RND3: variants seen among roughly 807,000 people sequenced by gnomAD.
RND3 encodes Rho family GTPase 3.
RND3 carries 8 observed loss-of-function variants against 26.5 expected under a neutral mutation model. The observed-to-expected ratio is 0.30, with a 90% confidence interval of 0.18 to 0.54. The LOEUF is 0.54. Ranked by LOEUF, RND3 falls within the 20% of genes least tolerant of loss-of-function variation. The pLI is 0.94. For missense variants in RND3, 207 were observed against 302.8 expected, an observed-to-expected ratio of 0.68 and a Z score of 2.35; for synonymous variants, 113 against 113.0, an observed-to-expected ratio of 1.00 and a Z score of 0.00.
At position 150,469,934 on chromosome 2, in the gene RND3, G is replaced by T; in HGVS notation, c.*53C>A. 3 of 1,592,454 alleles carry T rather than the reference G, an allele frequency of 1.9e-6. No individual in the cohort carries two copies. Among genetic ancestry groups the T allele is most frequent in the Admixed American group, 1.7e-5 (1 of 57,626 alleles). ...TCATTTAGACTTCACCTTTTTGTTT[G>T]CTGTTGTTTTTTACACTAGATTCCT... On this transcript the variant is annotated 3_prime_UTR_variant, in exon 6 of 6. Transcript: ENST00000263895.
At chr2:150,470,332 A>G (rs1169878208) in intron 5 of RND3, 94 bp from the exon 6 acceptor site, 17 of 1,352,160 alleles carry the variant, frequency 1.3e-5, no homozygotes, top group Non-Finnish European at 1.7e-5. Context: ...AACACATTGC[A>G]AAACGTTTGC....
chr2:150,484,928 G>A (rs1231410237), intron 3 of RND3, among the ~76,000 whole-genome samples: 4 of 152,138 alleles, frequency 2.6e-5, no homozygotes, highest in Non-Finnish European at 4.4e-5. Flanking sequence ...AGGGAGTACT[G>A]GTGCTTATTA....
At position 150,469,663 on chromosome 2, in the gene RND3, A is replaced by C. The variant is rs1255690080; in HGVS notation, c.*324T>G. 3.5e-5 allele frequency: 9 copies of C among 258,966 alleles called. No individual in the cohort carries two copies. Among genetic ancestry groups the C allele is most frequent in the Non-Finnish European group, 7.3e-6 (1 of 136,260 alleles). 16.0% of individuals were successfully genotyped at this position (258,966 alleles called of 1,614,324 possible). ...TATAACAAAAAAAAAAAACCCAAAA[A>C]TGCAAGCACCATTCAGAGTGTGATT... On this transcript the variant is annotated 3_prime_UTR_variant, in exon 6 of 6. Coordinates refer to ENST00000263895, the MANE Select transcript of RND3 (RefSeq NM_005168.5).
intron 3 of RND3, among the ~76,000 whole-genome samples, chr2:150,482,820 C>A (rs557798207): frequency 6.6e-6 from 1 of 152,196 alleles, no homozygotes; most frequent in Non-Finnish European, 1.5e-5. Flanking sequence ...AAAAACATTG[C>A]AACCAAGTGG....
At chr2:150,487,092 C>T (rs1326878648) in intron 2 of RND3, 176 bp downstream of exon 2, 1 of 621,302 alleles carries the variant, frequency 1.6e-6, no homozygotes, top group African/African-American at 1.8e-5. Context: ...AAGCTTCCAG[C>T]GCACTTTCCC....
intron 5 of RND3, 145 bp downstream of exon 5, chr2:150,471,482 T>C: frequency 3.2e-6 from 2 of 633,054 alleles, no homozygotes; most frequent in Non-Finnish European, 2.7e-6. Flanking sequence ...ATTACACTAA[T>C]AAATGACAGC....
intron 3 of RND3, among the ~76,000 whole-genome samples, chr2:150,482,158 T>G (rs1686284754): frequency 3.3e-5 from 5 of 152,194 alleles, no homozygotes; most frequent in Admixed American, 3.3e-4. Flanking sequence ...AGCAGCTGAA[T>G]TGAATATGTT....
chr2:150,469,655 A>AAC lies in RND3; in HGVS notation c.*331_*332insGT, dbSNP rs57553410. 5 of 244,484 alleles carry AAC rather than the reference A, an allele frequency of 2.0e-5. No homozygotes were observed. The highest frequency in any genetic ancestry group is 4.6e-5 in the African/African-American group (2 of 43,918). 15.1% of individuals were successfully genotyped at this position (244,484 alleles called of 1,614,324 possible). ...GAATAGATTATAACAAAAAAAAAAA[A>AAC]CCCAAAAATGCAAGCACCATTCAGA... On this transcript the variant is annotated 3_prime_UTR_variant, in exon 6 of 6. Transcript: ENST00000263895.
chr2:150,475,916 CA>C (rs1214707855), intron 3 of RND3, among the ~76,000 whole-genome samples: 1 of 152,164 alleles, frequency 6.6e-6, no homozygotes, highest in African/African-American at 2.4e-5. Context: ...TCTAGTCAAT[CA>C]AGGAAGTTTC....
At chr2:150,484,236 C>T (rs1051262797) in intron 3 of RND3, among the ~76,000 whole-genome samples, 5 of 152,164 alleles carry the variant, frequency 3.3e-5, no homozygotes, top group African/African-American at 7.2e-5. Flanking sequence ...GCAGAGTCTA[C>T]GAACTGCAGA....
intron 4 of RND3, among the ~76,000 whole-genome samples, chr2:150,473,150 A>T (rs1251809787): frequency 6.6e-6 from 1 of 152,028 alleles, no homozygotes; most frequent in East Asian, 1.9e-4. Flanking sequence ...CTGGAAAAAA[A>T]AAAAAAAGAA....
intron 3 of RND3, among the ~76,000 whole-genome samples, chr2:150,478,650 T>C (rs943374498): frequency 5.3e-5 from 8 of 150,086 alleles, no homozygotes; most frequent in Admixed American, 3.3e-4. Flanking sequence ...CCCAAGGTGC[T>C]AACTGTAGAA....
In RND3 at chr2:150,486,963, C is replaced by CA; in HGVS notation, c.151-183dup. 1.6e-6 allele frequency: 1 copy of CA among 632,522 alleles called. No individual in the cohort carries two copies. Among genetic ancestry groups the CA allele is most frequent in the Non-Finnish European group, 2.8e-6 (1 of 350,954 alleles). 39.2% of individuals were successfully genotyped at this position (632,522 alleles called of 1,614,324 possible). A position where few individuals can be genotyped will look rare whatever the true frequency, so the allele number is the denominator to read the frequency against. On this transcript the variant is annotated intron_variant, in intron 2 of 5. Coordinates refer to ENST00000263895, the MANE Select transcript of RND3 (RefSeq NM_005168.5). The surrounding 1 kb of genome is among the most constrained non-coding windows in gnomAD (Gnocchi z 4.5). ...CGAAACCCCTGTCCTACTCCCCACT[C>CA]ACCCCACCCGGCTCTCACAGATCTG... is the stretch of plus-strand genomic sequence containing the variant.
In RND3 at chr2:150,468,882, G is replaced by A. The variant is rs961414088; in HGVS notation, c.*1105C>T. On this transcript the variant is annotated 3_prime_UTR_variant, in exon 6 of 6. Coordinates refer to ENST00000263895, the MANE Select transcript of RND3 (RefSeq NM_005168.5). ...AATCTTCCACTAGGGATTCTCTAAA[G>A]CTTGGGTAAGTGGCATCTTCTCTCA... 1 of 152,596 alleles carries A rather than the reference G, an allele frequency of 6.6e-6. No homozygotes were observed. The highest frequency in any genetic ancestry group is 2.4e-5 in the African/African-American group (1 of 41,458). 9.5% of individuals were successfully genotyped at this position (152,596 alleles called of 1,614,324 possible).
At chr2:150,483,002 A>G (rs1686301019) in intron 3 of RND3, among the ~76,000 whole-genome samples, 1 of 152,186 alleles carries the variant, frequency 6.6e-6, no homozygotes, top group African/African-American at 2.4e-5. Flanking sequence ...GTCTTGACAG[A>G]GGGCCTGTTT....
chr2:150,482,967 G>A (rs1357803484), intron 3 of RND3, among the ~76,000 whole-genome samples: 5 of 152,168 alleles, frequency 3.3e-5, no homozygotes, highest in Non-Finnish European at 7.4e-5. Flanking sequence ...GCAGGACCAT[G>A]CTTAATTAAC....
intron 3 of RND3, among the ~76,000 whole-genome samples, chr2:150,483,698 T>C (rs1337024677): frequency 6.6e-6 from 1 of 152,206 alleles, no homozygotes; most frequent in African/African-American, 2.4e-5. Context: ...TTGAAATAAT[T>C]AGTTGCTGAT....
At chr2:150,477,694 C>T (rs555275299) in intron 3 of RND3, among the ~76,000 whole-genome samples, 2 of 152,236 alleles carry the variant, frequency 1.3e-5, no homozygotes, top group East Asian at 3.9e-4. Flanking sequence ...TAAAATGAAA[C>T]GGAGTTCTCC....
At position 150,476,222 on chromosome 2, in the gene RND3, G is replaced by T. The variant is rs144177457; in HGVS notation, c.239-1238C>A. Among the ~76,000 whole-genome samples, 33 of 152,286 alleles carry T rather than the reference G, an allele frequency of 2.2e-4. No individual in the cohort carries two copies. The East Asian group carries it at 3.7e-3, about 17-fold the overall frequency. On this transcript the variant is annotated intron_variant, in intron 3 of 5. Transcript: ENST00000263895. The stretch of plus-strand genomic sequence containing the variant: ...TTTGAGCAGAAAAACAGGACATGTT[G>T]TCCCTTGATAAATCAAAACCTCAAT...
Sources: gnomAD v4.1 joint callset for allele counts (sites outside exome capture counted in the v4.1 genomes callset) on GRCh38, gnomAD v4.1.1 for gene constraint, Gnocchi (gnomAD v3.1) non-coding constraint, MANE v1.5 for transcripts, NCBI Gene and HGNC (gene_info 2026-07-23, HGNC 2026-07-21) for gene names.